Variants in PLA2G4A observed in about 807,000 individuals in gnomAD.
PLA2G4A encodes the protein cytosolic phospholipase A2.
A neutral mutation model predicts 81.9 loss-of-function variants in PLA2G4A; 40 were observed. The observed-to-expected ratio is 0.49, with a 90% CI of 0.38 to 0.64. The LOEUF (loss-of-function observed/expected upper bound fraction) is 0.64, where lower values mean the gene tolerates loss of function less well. Ranked by LOEUF, PLA2G4A falls within the 30% of genes least tolerant of loss-of-function variation. The probability of loss-of-function intolerance (pLI) is 0.00; values close to 1 mark genes in which losing one functional copy is unlikely to be tolerated. For missense variants in PLA2G4A, 715 were observed against 905.1 expected, an observed-to-expected ratio of 0.79 and a Z score of 2.69; for synonymous variants, 302 against 296.9, an observed-to-expected ratio of 1.02 and a Z score of -0.18.
chr1:186,859,573 A>C (rs948136860), intron 2 of PLA2G4A, among the ~76,000 whole-genome samples: 1 of 152,158 alleles, frequency 6.6e-6, no homozygotes, highest in Non-Finnish European at 1.5e-5. Context: ...TTGTCTTCAC[A>C]TTAGGGACAG....
chr1:186,916,543 T>C (rs1235045064), intron 7 of PLA2G4A, among the ~76,000 whole-genome samples: 1 of 152,188 alleles, frequency 6.6e-6, no homozygotes, highest in Non-Finnish European at 1.5e-5. Flanking sequence ...ATTTCAAGAT[T>C]ATGCGTTTGG....
chr1:186,857,388 AATATAAT>A (rs1652622392), intron 2 of PLA2G4A, among the ~76,000 whole-genome samples: 2 of 127,640 alleles, frequency 1.6e-5, no homozygotes, highest in South Asian at 2.2e-4. Context: ...ATATAAATGT[AATATAAT>A]ATATAATATA....
intron 2 of PLA2G4A, among the ~76,000 whole-genome samples, chr1:186,866,872 C>T (rs1312725616): frequency 6.6e-6 from 1 of 152,064 alleles, no homozygotes; most frequent in Non-Finnish European, 1.5e-5. Flanking sequence ...CATTGTATTT[C>T]AGGCCCAGTT....
At chr1:186,835,032 C>T (rs1397898284) in intron 1 of PLA2G4A, among the ~76,000 whole-genome samples, 4 of 152,162 alleles carry the variant, frequency 2.6e-5, no homozygotes, top group Non-Finnish European at 4.4e-5. Context: ...ACTTAGTATA[C>T]ATACTATGAT....
At chr1:186,903,513 A>G (rs1219360033) in intron 5 of PLA2G4A, among the ~76,000 whole-genome samples, 1 of 152,212 alleles carries the variant, frequency 6.6e-6, no homozygotes, top group Admixed American at 6.5e-5. Flanking sequence ...ACGAAGGAGC[A>G]AAGCTTCATC....
intron 7 of PLA2G4A, among the ~76,000 whole-genome samples, chr1:186,916,097 C>A (rs934665889): frequency 1.3e-5 from 2 of 152,114 alleles, no homozygotes; most frequent in African/African-American, 4.8e-5. Context: ...CTTGTTTTTC[C>A]TGGAATTTCT....
intron 6 of PLA2G4A, among the ~76,000 whole-genome samples, chr1:186,910,745 C>T (rs1187079037): frequency 6.6e-6 from 1 of 152,058 alleles, no homozygotes; most frequent in African/African-American, 2.4e-5. Context: ...AAGTTCCTTT[C>T]TTTGTTAGAG....
At chr1:186,876,810 A>G (rs1484910114) in intron 3 of PLA2G4A, among the ~76,000 whole-genome samples, 1 of 152,130 alleles carries the variant, frequency 6.6e-6, no homozygotes, top group Non-Finnish European at 1.5e-5. Context: ...TAAAACTTGT[A>G]GAAACTAAAG....
At chr1:186,889,684 A>AT (rs35412398) in intron 3 of PLA2G4A, among the ~76,000 whole-genome samples, 2 of 151,990 alleles carry the variant, frequency 1.3e-5, no homozygotes, top group African/African-American at 2.4e-5. Context: ...ATCTATTTAA[A>AT]TTTTTTTGGG....
intron 17 of PLA2G4A, among the ~76,000 whole-genome samples, chr1:186,980,991 T>C (rs1217843137): frequency 2.0e-5 from 3 of 152,178 alleles, no homozygotes; most frequent in African/African-American, 7.2e-5. Context: ...ATTATCTCTA[T>C]GGTGATGGCA....
intron 1 of PLA2G4A, among the ~76,000 whole-genome samples, chr1:186,834,837 C>T (rs1224084377): frequency 6.6e-6 from 1 of 152,116 alleles, no homozygotes; most frequent in Non-Finnish European, 1.5e-5. Flanking sequence ...GAACCTATGG[C>T]TCTTTCTGGC....
At position 186,946,843 on chromosome 1, in the gene PLA2G4A, T is replaced by C. The variant is rs376613116; in HGVS notation, c.1172-26T>C. ...TTTTGAAACCTGGGATATTTTAAGT[T>C]ATTTTCTGTTTCTGTTTTATTTTAG... is the stretch of plus-strand genomic sequence containing the variant. On this transcript the variant is annotated intron_variant, in intron 11 of 17. Transcript: ENST00000367466. The C allele has an allele frequency of 3.1e-6, 5 of 1,598,422 alleles. No homozygotes were observed. In the African/African-American group the frequency reaches 4.0e-5, roughly 13 times the overall value.
At chr1:186,849,037 C>T (rs1046610717) in intron 1 of PLA2G4A, among the ~76,000 whole-genome samples, 7 of 152,188 alleles carry the variant, frequency 4.6e-5, no homozygotes, top group Non-Finnish European at 5.9e-5. Flanking sequence ...TCTGGAATCT[C>T]ACTTGTTCTG....
rs116226597 is a variant in PLA2G4A at position 186,982,584 on chromosome 1, C to A, written c.2118+3112C>A. Reference sequence around the variant, plus strand: ...TACAGGTAATGCCAGCTTAGGCAGTCAGTATATATTTTCTGAATGAACAAA... The same window carrying A: ...TACAGGTAATGCCAGCTTAGGCAGTAAGTATATATTTTCTGAATGAACAAA... On this transcript the variant is annotated intron_variant, in intron 17 of 17. Transcript: ENST00000367466. 6.8e-3 allele frequency among the ~76,000 whole-genome samples: 1,040 copies of A among 152,174 alleles called. 17 individuals carry two copies. The highest frequency in any genetic ancestry group is 0.024 in the African/African-American group (1,001 of 41,516).
At chr1:186,885,655 G>C (rs1484289055) in intron 3 of PLA2G4A, among the ~76,000 whole-genome samples, 2 of 152,010 alleles carry the variant, frequency 1.3e-5, no homozygotes, top group Non-Finnish European at 2.9e-5. Flanking sequence ...AAATAACTAA[G>C]AGTAATATGT....
At chr1:186,884,675 G>A (rs905200775) in intron 3 of PLA2G4A, among the ~76,000 whole-genome samples, 4 of 152,042 alleles carry the variant, frequency 2.6e-5, no homozygotes, top group African/African-American at 4.8e-5. Flanking sequence ...CCAGGAGTTC[G>A]AGACCAGGCC....
chr1:186,980,945 AT>A (rs1657700738), intron 17 of PLA2G4A, among the ~76,000 whole-genome samples: 1 of 152,244 alleles, frequency 6.6e-6, no homozygotes, highest in African/African-American at 2.4e-5. Context: ...TAGAAAAAAT[AT>A]TTCAAGCAGT....
At chr1:186,893,974 A>C (rs922600119) in intron 4 of PLA2G4A, 124 bp from the exon 5 acceptor site, 18 of 657,682 alleles carry the variant, frequency 2.7e-5, no homozygotes, top group Admixed American at 7.9e-5. Flanking sequence ...AAATATTGAG[A>C]TCTTCAAGGA....
intron 7 of PLA2G4A, 72 bp from the exon 8 acceptor site, chr1:186,932,691 G>T: frequency 1.4e-6 from 2 of 1,425,348 alleles, no homozygotes; most frequent in Non-Finnish European, 2.0e-6. Context: ...ATAACATAAA[G>T]ATTGAGACTA....
Sources: allele counts gnomAD v4.1 joint callset (sites outside exome capture counted in the v4.1 genomes callset), GRCh38; gene constraint gnomAD v4.1.1; transcripts MANE v1.5; gene names NCBI Gene and HGNC (gene_info 2026-07-23, HGNC 2026-07-21).